The following FZR1 variants were observed in gnomAD, a reference collection of about 807,000 sequenced individuals.
FZR1 encodes the protein fizzy and cell division cycle 20 related 1.
In FZR1, 11 loss-of-function variants were observed where a neutral mutation model predicts 63.6. The ratio of observed to expected loss-of-function variants is 0.17; its 90% CI spans 0.11 to 0.29. The LOEUF is 0.29. FZR1 is among the 10% of genes least tolerant of loss of function. FZR1 has a pLI of 1.00. For missense variants in FZR1, 440 were observed against 687.5 expected, an observed-to-expected ratio of 0.64 and a Z score of 4.03; for synonymous variants, 328 against 297.9, an observed-to-expected ratio of 1.10 and a Z score of -1.04.
At chr19:3,511,210 T>C (rs2083022328) in intron 1 of FZR1, among the ~76,000 whole-genome samples, 1 of 152,236 alleles carries the variant, frequency 6.6e-6, no homozygotes, top group African/African-American at 2.4e-5. Context: ...GGGCTGTGGG[T>C]ACTCGGTGGT....
intron 7 of FZR1, among the ~76,000 whole-genome samples, chr19:3,528,393 T>C (rs28666054): frequency 0.59 from 89,577 of 152,194 alleles, 28,628 homozygotes; most frequent in East Asian, 0.84. Context: ...CTGCTCCCGC[T>C]GGCAGTGTCC....
In FZR1 at chr19:3,530,873, T is replaced by C. The variant is rs979599963; in HGVS notation, c.720+16T>C. 1 of 1,604,148 alleles carries C rather than the reference T, an allele frequency of 6.2e-7. No homozygotes were observed. Among genetic ancestry groups the C allele is most frequent in the Non-Finnish European group, 8.5e-7 (1 of 1,172,790 alleles). On this transcript the variant is annotated intron_variant, in intron 8 of 13. Coordinates refer to ENST00000441788, the MANE Select transcript of FZR1 (RefSeq NM_016263.4). ...GTCTGAGCGGGTGAGTGCAGAGGGC[T>C]TGGCCCCCACCTGGGAGATCTGATG...
intron 8 of FZR1, 150 bp downstream of exon 8, chr19:3,531,007 G>A (rs1045185616): frequency 9.8e-6 from 6 of 612,574 alleles, no homozygotes; most frequent in African/African-American, 7.4e-5. Context: ...CCCGGCCTTA[G>A]TGTGGTCCTG....
rs774820298 is a variant in FZR1 at position 3,527,822 on chromosome 19, C to T, written c.654+8C>T. On this transcript the variant is annotated splice_region_variant and intron_variant, in intron 7 of 13. Coordinates refer to ENST00000441788, the MANE Select transcript of FZR1 (RefSeq NM_016263.4). ...AGTGCCTGTACCAGCCAGGTGGGTG[C>T]TGCGTGGGGTGTGCATGTGCATGGG... 6.2e-7 allele frequency: 1 copy of T among 1,603,100 alleles called. No homozygotes were observed. Among genetic ancestry groups the T allele is most frequent in the Non-Finnish European group, 8.5e-7 (1 of 1,172,402 alleles).
Position 3,525,985 on chromosome 19 carries a change from A to G in FZR1, c.187A>G (p.Arg63Gly). 6.2e-7 allele frequency: 1 copy of G among 1,612,114 alleles called. No homozygotes were observed. Among genetic ancestry groups the G allele is most frequent in the Non-Finnish European group, 8.5e-7 (1 of 1,179,690 alleles). ...AGCCAACTGGAGCGTGAACTTCCAC[A>G]GGATTAACGTGAGGGGCTGGCTGGG... ...AGANWSVNFH[R>G]INENEKSPSQ... The change falls in exon 3 of 14, where the codon AGG becomes GGG. Residue 63 changes from arginine (R) to glycine (G), a missense_variant. Physicochemically the swap from Arg to Gly is moderately radical, Grantham distance 125 (BLOSUM62 -2). Coordinates refer to ENST00000441788, the MANE Select transcript of FZR1 (RefSeq NM_016263.4). The surrounding 1 kb of genome is among the most constrained non-coding windows in gnomAD (Gnocchi z 4.2).
chr19:3,525,820 C>A lies in FZR1; in HGVS notation c.70-48C>A. 1 of 1,594,490 alleles carries A rather than the reference C, an allele frequency of 6.3e-7. No homozygotes were observed. The highest frequency in any genetic ancestry group is 1.1e-5 in the South Asian group (1 of 90,168). ...AGAGAGGCTGGCCTGGGGGCACTCTCGGGGGGCTCTCGGTGCTGAGAGCAA... is the reference window on the plus strand; with the variant it reads ...AGAGAGGCTGGCCTGGGGGCACTCTAGGGGGGCTCTCGGTGCTGAGAGCAA... On this transcript the variant is annotated intron_variant, in intron 2 of 13. Coordinates refer to ENST00000441788, the MANE Select transcript of FZR1 (RefSeq NM_016263.4). The surrounding 1 kb of genome is among the most constrained non-coding windows in gnomAD (Gnocchi z 4.2).
At chr19:3,531,136 C>T (rs1309414367) in intron 8 of FZR1, among the ~76,000 whole-genome samples, 1 of 152,142 alleles carries the variant, frequency 6.6e-6, no homozygotes, top group Admixed American at 6.5e-5. Flanking sequence ...GGACTCGCTC[C>T]CCTGGAGTTC....
intron 1 of FZR1, among the ~76,000 whole-genome samples, chr19:3,513,234 C>A (rs755809457): frequency 1.2e-4 from 19 of 152,168 alleles, no homozygotes; most frequent in Non-Finnish European, 2.2e-4. Context: ...GGGGTCGGGA[C>A]CTGTGAGGGG....
intron 2 of FZR1, among the ~76,000 whole-genome samples, chr19:3,524,269 G>T (rs1378704025): frequency 2.0e-5 from 3 of 152,236 alleles, no homozygotes; most frequent in East Asian, 3.9e-4. Flanking sequence ...GCGGGGCGCA[G>T]TGCGAGGATC....
intron 1 of FZR1, among the ~76,000 whole-genome samples, chr19:3,512,027 G>A (rs1397589051): frequency 6.6e-6 from 1 of 152,078 alleles, no homozygotes; most frequent in African/African-American, 2.4e-5. Context: ...CTGCAACCAC[G>A]GCCACCTGCC....
intron 1 of FZR1, among the ~76,000 whole-genome samples, chr19:3,508,220 T>G (rs936691602): frequency 4.7e-5 from 7 of 149,512 alleles, no homozygotes; most frequent in Non-Finnish European, 8.9e-5. Context: ...TTTTTTTTTT[T>G]TGAGATGGAG....
chr19:3,532,177 G>A, intron 10 of FZR1, 82 bp downstream of exon 10: 2 of 1,303,674 alleles, frequency 1.5e-6, no homozygotes, highest in Non-Finnish European at 2.0e-6. Flanking sequence ...GCCTGGGCTG[G>A]GGCGGGCGCG....
chr19:3,526,446 C>G lies in FZR1; in HGVS notation c.387+60C>G. On this transcript the variant is annotated intron_variant, in intron 5 of 13. Coordinates refer to ENST00000441788, the MANE Select transcript of FZR1 (RefSeq NM_016263.4). This position sits in a 1 kb window ranked among gnomAD's most constrained non-coding sequence, Gnocchi z 5.4. The stretch of plus-strand genomic sequence containing the variant: ...TCCCAGTGCAGCCTCCCCGGCCCCC[C>G]ACCTCCCAGGCACCAGCTCTGCCTC... 2.1e-6 allele frequency: 3 copies of G among 1,410,356 alleles called. No homozygotes were observed. Among genetic ancestry groups the G allele is most frequent in the African/African-American group, 1.4e-5 (1 of 70,780 alleles). The allele number at this position is 1,410,356 out of a possible 1,614,324, so 87.4% of individuals were successfully genotyped here. A position where few individuals can be genotyped will look rare whatever the true frequency, so the allele number is the denominator to read the frequency against.
chr19:3,536,911 G>T lies in FZR1; in HGVS notation c.*2075G>T, dbSNP rs1285832694. 1 of 152,388 alleles carries T rather than the reference G, an allele frequency of 6.6e-6. No individual in the cohort carries two copies. The highest frequency in any genetic ancestry group is 1.9e-4 in the East Asian group (1 of 5,172). The allele number at this position is 152,388 out of a possible 1,614,324, so 9.4% of individuals were successfully genotyped here. On this transcript the variant is annotated 3_prime_UTR_variant, in exon 14 of 14. Transcript: ENST00000441788. ...GGGAGCTCAGCCCTCGAAGGCCGCAGAGACGCCTCCCAGGCCCGTCTGCCA... is the reference window on the plus strand; with the variant it reads ...GGGAGCTCAGCCCTCGAAGGCCGCATAGACGCCTCCCAGGCCCGTCTGCCA...
chr19:3,536,410 TGCAC>T lies in FZR1; in HGVS notation c.*1576_*1579del, dbSNP rs2029969848. 6.6e-6 allele frequency: 1 copy of T among 152,240 alleles called. No homozygotes were observed. The highest frequency in any genetic ancestry group is 2.4e-5 in the African/African-American group (1 of 41,458). 9.4% of individuals were successfully genotyped at this position (152,240 alleles called of 1,614,324 possible). On this transcript the variant is annotated 3_prime_UTR_variant, in exon 14 of 14. Transcript: ENST00000441788. ...TGTGCGCCTGTGCAGGGGGTGCTGGTGCACGTGGCAGTGTGGATTTCCAGTGGTC... is the reference window on the plus strand; with the variant it reads ...TGTGCGCCTGTGCAGGGGGTGCTGGTGTGGCAGTGTGGATTTCCAGTGGTC...
chr19:3,534,318 G>A (rs1568241611), intron 12 of FZR1, 103 bp from the exon 13 acceptor site: 2 of 614,468 alleles, frequency 3.3e-6, no homozygotes, highest in East Asian at 3.1e-5. Flanking sequence ...AGTCTGGGGG[G>A]CCCAGCCACC....
At chr19:3,528,067 C>T (rs2083180136) in intron 7 of FZR1, among the ~76,000 whole-genome samples, 1 of 152,080 alleles carries the variant, frequency 6.6e-6, no homozygotes, top group Admixed American at 6.5e-5. Flanking sequence ...CCCTCCCAGC[C>T]ACTGCCCTCC....
chr19:3,532,330 G>T, intron 10 of FZR1, 87 bp from the exon 11 acceptor site: 4 of 1,052,236 alleles, frequency 3.8e-6, no homozygotes. Flanking sequence ...GGGGTGGGGT[G>T]CCAGGGCAGG....
intron 1 of FZR1, among the ~76,000 whole-genome samples, chr19:3,508,950 G>A (rs1033397072): frequency 2.0e-5 from 3 of 152,312 alleles, no homozygotes; most frequent in Non-Finnish European, 2.9e-5. Context: ...AGTGCCCTGG[G>A]CTGTGTGCTT....
Sources: allele counts gnomAD v4.1 joint callset (sites outside exome capture counted in the v4.1 genomes callset), GRCh38; gene constraint gnomAD v4.1.1; non-coding constraint Gnocchi (gnomAD v3.1); transcripts MANE v1.5; gene names NCBI Gene and HGNC (gene_info 2026-07-23, HGNC 2026-07-21).